RNGTT: variants seen among roughly 807,000 people sequenced by gnomAD.
RNGTT encodes RNA guanylyltransferase and 5'-phosphatase.
In RNGTT, 33 loss-of-function variants were observed where a neutral mutation model predicts 79.3. The ratio of observed to expected loss-of-function variants is 0.42; its 90% CI spans 0.32 to 0.56. The LOEUF (loss-of-function observed/expected upper bound fraction) is 0.56, where lower values mean the gene tolerates loss of function less well. Among genes scored for constraint, RNGTT ranks in the 20% least tolerant of loss-of-function variants. The pLI, the probability that RNGTT is intolerant of heterozygous loss-of-function variation, is 0.17. For missense variants in RNGTT, 497 were observed against 739.1 expected (o/e 0.67, Z 3.80); for synonymous variants, 222 against 235.9 (o/e 0.94, Z 0.54).
At chr6:88,856,002 T>C (rs939967788) in intron 8 of RNGTT, among the ~76,000 whole-genome samples, 1 of 152,200 alleles carries the variant, frequency 6.6e-6, no homozygotes, top group African/African-American at 2.4e-5. Flanking sequence ...GTTAAGGACT[T>C]AGGCTGGCAT....
At chr6:88,950,860 G>GT (rs1785220385) in intron 1 of RNGTT, among the ~76,000 whole-genome samples, 3 of 135,858 alleles carry the variant, frequency 2.2e-5, no homozygotes, top group African/African-American at 7.9e-5. Context: ...AACTGTTTTT[G>GT]GTTTTTTTTT....
At chr6:88,736,964 G>C (rs1278981002) in intron 13 of RNGTT, among the ~76,000 whole-genome samples, 12 of 152,218 alleles carry the variant, frequency 7.9e-5, no homozygotes, top group Non-Finnish European at 2.9e-5. Context: ...CAACAAGCTA[G>C]GTTATTGCTA....
At chr6:88,865,640 G>A (rs1004511843) in intron 8 of RNGTT, among the ~76,000 whole-genome samples, 2 of 152,092 alleles carry the variant, frequency 1.3e-5, no homozygotes, top group South Asian at 4.2e-4. Flanking sequence ...AAAATCAGAC[G>A]CTGCACTGAA....
intron 4 of RNGTT, among the ~76,000 whole-genome samples, chr6:88,919,188 T>C (rs1196173103): frequency 2.6e-5 from 4 of 152,240 alleles, no homozygotes; most frequent in African/African-American, 9.6e-5. Context: ...CTTCAGTTTT[T>C]GTTTAAAGCA....
At chr6:88,727,795 T>A (rs910575827) in intron 13 of RNGTT, among the ~76,000 whole-genome samples, 1 of 152,318 alleles carries the variant, frequency 6.6e-6, no homozygotes, top group Non-Finnish European at 1.5e-5. Context: ...TCCCCACATT[T>A]AAAACAAAAG....
At chr6:88,630,101 C>A (rs1359974765) in intron 14 of RNGTT, among the ~76,000 whole-genome samples, 1 of 152,188 alleles carries the variant, frequency 6.6e-6, no homozygotes, top group East Asian at 1.9e-4. Context: ...GGGCCAGTAG[C>A]ACACTTGCTA....
chr6:88,888,942 C>T (rs1782954917), intron 8 of RNGTT, among the ~76,000 whole-genome samples: 1 of 152,144 alleles, frequency 6.6e-6, no homozygotes, highest in Non-Finnish European at 1.5e-5. Context: ...GCAGCAGAAT[C>T]GCTTGAACCT....
chr6:88,827,092 G>C (rs185179145), intron 11 of RNGTT, among the ~76,000 whole-genome samples: 1 of 151,952 alleles, frequency 6.6e-6, no homozygotes, highest in Non-Finnish European at 1.5e-5. Context: ...AGTATTCAGA[G>C]GCCTGGCAAG....
rs369624849 is a variant in RNGTT at position 88,945,277 on chromosome 6, C to T, written c.65-4097G>A. ...CCACTACAACTCTCTAAGAGACTTG[C>T]AACCAAGTAGCTCATTAATCCACTC... On this transcript the variant is annotated intron_variant, in intron 1 of 15. Coordinates refer to ENST00000369485, the MANE Select transcript of RNGTT (RefSeq NM_003800.5). 1.2e-4 allele frequency among the ~76,000 whole-genome samples: 18 copies of T among 152,324 alleles called. No individual in the cohort carries two copies. The East Asian group carries it at 3.1e-3, about 26-fold the overall frequency.
At chr6:88,679,662 T>C (rs1226285947) in intron 13 of RNGTT, among the ~76,000 whole-genome samples, 1 of 152,192 alleles carries the variant, frequency 6.6e-6, no homozygotes, top group African/African-American at 2.4e-5. Context: ...CTCTCTTAAA[T>C]GCAATGAAAC....
chr6:88,948,213 C>T (rs1582166581), intron 1 of RNGTT, among the ~76,000 whole-genome samples: 1 of 15,164 alleles, frequency 6.6e-5, no homozygotes, highest in Admixed American at 5.9e-4. Context: ...GGCCAGCCGC[C>T]CCGTCCGGGA....
chr6:88,781,502 A>G (rs1233766749), intron 12 of RNGTT, among the ~76,000 whole-genome samples: 2 of 150,834 alleles, frequency 1.3e-5, no homozygotes, highest in African/African-American at 5.0e-5. Flanking sequence ...GCTACTAGAG[A>G]CAGTAAAACA....
At chr6:88,826,846 G>A (rs6901651) in intron 11 of RNGTT, among the ~76,000 whole-genome samples, 8,676 of 135,024 alleles carry the variant, frequency 0.064, 624 homozygotes, top group African/African-American at 0.18. Flanking sequence ...ATATATATAT[G>A]TGTGTGTGTA....
At chr6:88,867,881 CT>C (rs371782661) in intron 8 of RNGTT, among the ~76,000 whole-genome samples, 2 of 152,290 alleles carry the variant, frequency 1.3e-5, no homozygotes, top group African/African-American at 4.8e-5. Flanking sequence ...ACCTAACAGT[CT>C]TTTAATTATA....
At chr6:88,855,118 A>G (rs193283358) in intron 8 of RNGTT, among the ~76,000 whole-genome samples, 2 of 152,330 alleles carry the variant, frequency 1.3e-5, no homozygotes, top group African/African-American at 4.8e-5. Flanking sequence ...CGAAAATGAA[A>G]GAGAACACTG....
At chr6:88,930,130 A>C (rs1784465628) in intron 2 of RNGTT, among the ~76,000 whole-genome samples, 1 of 143,442 alleles carries the variant, frequency 7.0e-6, no homozygotes, top group African/African-American at 2.8e-5. Flanking sequence ...ATATACACGT[A>C]TACATACATA....
intron 8 of RNGTT, among the ~76,000 whole-genome samples, chr6:88,881,613 GAGAC>G (rs915176401): frequency 5.3e-5 from 8 of 152,134 alleles, no homozygotes; most frequent in African/African-American, 1.9e-4. Flanking sequence ...ATTTCAATGT[GAGAC>G]AGACAGGCAG....
chr6:88,932,798 A>T (rs1306440095), intron 2 of RNGTT, among the ~76,000 whole-genome samples: 1 of 152,194 alleles, frequency 6.6e-6, no homozygotes, highest in Non-Finnish European at 1.5e-5. Flanking sequence ...TAGAATCACA[A>T]TCAGCCAGCA....
chr6:88,668,837 G>C (rs955129530), intron 14 of RNGTT, among the ~76,000 whole-genome samples: 7 of 152,158 alleles, frequency 4.6e-5, no homozygotes, highest in Admixed American at 1.3e-4. Context: ...TAACAAGCTA[G>C]GGATGGGATG....
Sources: allele counts gnomAD v4.1 joint callset (sites outside exome capture counted in the v4.1 genomes callset), GRCh38; gene constraint gnomAD v4.1.1; transcripts MANE v1.5; gene names NCBI Gene and HGNC (gene_info 2026-07-23, HGNC 2026-07-21).